Variants in WDR70 observed in about 807,000 individuals in gnomAD.
WDR70 encodes WD repeat-containing protein 70.
In WDR70, 53 loss-of-function variants were observed where a neutral mutation model predicts 88.6. That is an observed-to-expected ratio of 0.60 (90% CI 0.48 to 0.75). The LOEUF is 0.75. WDR70 is among the 30% of genes least tolerant of loss of function. The pLI is 0.00. For missense variants in WDR70, 610 were observed against 823.2 expected (o/e 0.74, Z 3.17); for synonymous variants, 280 against 270.0 (o/e 1.04, Z -0.36).
chr5:37,400,612 T>G (rs1314813122), intron 5 of WDR70, among the ~76,000 whole-genome samples: 1 of 151,920 alleles, frequency 6.6e-6, no homozygotes, highest in Non-Finnish European at 1.5e-5. Flanking sequence ...GGAAGAGAGG[T>G]GTCACCAGAA....
At chr5:37,641,929 T>C (rs1561046233) in intron 10 of WDR70, among the ~76,000 whole-genome samples, 1 of 152,196 alleles carries the variant, frequency 6.6e-6, no homozygotes, top group Non-Finnish European at 1.5e-5. Context: ...AGAGAGTTGA[T>C]GGGTTTGGGG....
chr5:37,501,925 G>T (rs1740415206), intron 8 of WDR70, among the ~76,000 whole-genome samples: 1 of 152,048 alleles, frequency 6.6e-6, no homozygotes, highest in Non-Finnish European at 1.5e-5. Context: ...GGCTATTCAG[G>T]CTCTTTTTTA....
chr5:37,730,161 A>G (rs1748103430), intron 17 of WDR70, among the ~76,000 whole-genome samples: 1 of 152,130 alleles, frequency 6.6e-6, no homozygotes, highest in South Asian at 2.1e-4. Context: ...ACCACAACCA[A>G]CTTTTATCAC....
At chr5:37,717,611 A>C (rs987264868) in intron 13 of WDR70, among the ~76,000 whole-genome samples, 1 of 152,064 alleles carries the variant, frequency 6.6e-6, no homozygotes, top group Non-Finnish European at 1.5e-5. Flanking sequence ...CTGTCTTCTG[A>C]TGTTGGTTCC....
chr5:37,511,175 G>C (rs980062994), intron 8 of WDR70, among the ~76,000 whole-genome samples: 1 of 152,044 alleles, frequency 6.6e-6, no homozygotes, highest in African/African-American at 2.4e-5. Context: ...AGTTATTACT[G>C]TGATGATTGC....
intron 11 of WDR70, chr5:37,700,376 G>C (rs1381096314): frequency 6.6e-6 from 1 of 152,162 alleles, no homozygotes; most frequent in East Asian, 1.9e-4. Context: ...GCTTGTGCAG[G>C]GGCTATGCTA....
chr5:37,740,328 A>G (rs1230163290), intron 17 of WDR70, among the ~76,000 whole-genome samples: 1 of 152,230 alleles, frequency 6.6e-6, no homozygotes, highest in Non-Finnish European at 1.5e-5. Flanking sequence ...CAAAAGAATA[A>G]CTGCTGGAAA....
intron 9 of WDR70, among the ~76,000 whole-genome samples, chr5:37,593,613 T>C (rs1743606568): frequency 6.6e-6 from 1 of 152,218 alleles, no homozygotes; most frequent in Admixed American, 6.5e-5. Flanking sequence ...TAAACATATG[T>C]GTGCATGTGT....
At chr5:37,515,981 A>G (rs973829825) in intron 8 of WDR70, among the ~76,000 whole-genome samples, 3 of 152,236 alleles carry the variant, frequency 2.0e-5, no homozygotes, top group African/African-American at 7.2e-5. Context: ...AATTTTCCTC[A>G]ATCATTTAAA....
chr5:37,587,910 G>C (rs11750256), intron 9 of WDR70, among the ~76,000 whole-genome samples: 70,957 of 151,196 alleles, frequency 0.47, 18,207 homozygotes, highest in Non-Finnish European at 0.58. Context: ...CTCCCAAGTA[G>C]CTGGGATTAC....
chr5:37,525,325 T>C (rs1452560440), intron 9 of WDR70, among the ~76,000 whole-genome samples: 1 of 152,132 alleles, frequency 6.6e-6, no homozygotes, highest in Non-Finnish European at 1.5e-5. Flanking sequence ...ATTAAGAAAC[T>C]CACTCAAAAC....
intron 17 of WDR70, 126 bp downstream of exon 17, chr5:37,727,171 C>A: frequency 2.6e-6 from 3 of 1,176,392 alleles, no homozygotes; most frequent in Admixed American, 2.9e-5. Flanking sequence ...GAAAAATAGG[C>A]CAGGTACTCA....
At chr5:37,382,694 G>A (rs1404870707) in intron 3 of WDR70, among the ~76,000 whole-genome samples, 1 of 151,324 alleles carries the variant, frequency 6.6e-6, no homozygotes, top group Admixed American at 6.6e-5. Context: ...GTGAGCCACC[G>A]CACCCGGCCC....
intron 9 of WDR70, among the ~76,000 whole-genome samples, chr5:37,536,026 A>G (rs1741656916): frequency 2.0e-5 from 3 of 152,288 alleles, no homozygotes; most frequent in South Asian, 4.1e-4. Context: ...ATGTTGCAGT[A>G]TTCTCCCCTT....
intron 9 of WDR70, among the ~76,000 whole-genome samples, chr5:37,596,138 A>T (rs934200379): frequency 6.6e-5 from 10 of 152,192 alleles, no homozygotes; most frequent in Non-Finnish European, 1.2e-4. Flanking sequence ...TGCCTGACAT[A>T]ATGTTAAGAT....
intron 8 of WDR70, among the ~76,000 whole-genome samples, chr5:37,508,345 C>T (rs1162111932): frequency 6.6e-6 from 1 of 152,092 alleles, no homozygotes; most frequent in African/African-American, 2.4e-5. Flanking sequence ...AGAAGATGGC[C>T]CATCTGCAAG....
chr5:37,515,789 T>G (rs545080232), intron 8 of WDR70, among the ~76,000 whole-genome samples: 1 of 152,334 alleles, frequency 6.6e-6, no homozygotes, highest in South Asian at 2.1e-4. Context: ...TAAATCTGAC[T>G]TGCTGTATGA....
chr5:37,729,478 T>A (rs546998385), intron 17 of WDR70, among the ~76,000 whole-genome samples: 4 of 152,324 alleles, frequency 2.6e-5, no homozygotes, highest in African/African-American at 9.6e-5. Flanking sequence ...CCCTAACTTT[T>A]CTCCTTTCTG....
intron 8 of WDR70, among the ~76,000 whole-genome samples, chr5:37,482,765 A>G (rs1350397816): frequency 6.6e-6 from 1 of 152,224 alleles, no homozygotes; most frequent in Non-Finnish European, 1.5e-5. Flanking sequence ...GGGGAGGTAG[A>G]TCCCACCATT....
Sources: gnomAD v4.1 joint callset for allele counts (sites outside exome capture counted in the v4.1 genomes callset) on GRCh38, gnomAD v4.1.1 for gene constraint, MANE v1.5 for transcripts, NCBI Gene and HGNC (gene_info 2026-07-23, HGNC 2026-07-21) for gene names.